Variants in RPS6KA2 observed in about 807,000 individuals in gnomAD.
The protein encoded by RPS6KA2 is ribosomal protein S6 kinase alpha-2.
In RPS6KA2, 42 loss-of-function variants were observed where a neutral mutation model predicts 91.8. That is an observed-to-expected ratio of 0.46 (90% CI 0.36 to 0.59). The LOEUF (loss-of-function observed/expected upper bound fraction) is 0.59, where lower values mean the gene tolerates loss of function less well. RPS6KA2 is among the 20% of genes least tolerant of loss of function. The probability of loss-of-function intolerance (pLI) is 0.00; values close to 1 mark genes in which losing one functional copy is unlikely to be tolerated. For missense variants in RPS6KA2, 798 were observed against 978.5 expected, an observed-to-expected ratio of 0.82 and a Z score of 2.46; for synonymous variants, 414 against 393.6, an observed-to-expected ratio of 1.05 and a Z score of -0.61.
chr6:166,423,144 G>C lies in RPS6KA2; in HGVS notation c.1743+112C>G. The C allele has an allele frequency of 1.3e-5, 15 of 1,120,320 alleles. No individual in the cohort carries two copies. The South Asian group carries it at 2.4e-4, about 18-fold the overall frequency. The allele number at this position is 1,120,320 out of a possible 1,614,324, so 69.4% of individuals were successfully genotyped here. A position where few individuals can be genotyped will look rare whatever the true frequency, so the allele number is the denominator to read the frequency against. ...TCTGTTTCCCAACACCACTGCTGAC[G>C]CAGCTCAAGCCGCCTCTGACATCCC... On this transcript the variant is annotated intron_variant, in intron 17 of 20. Coordinates refer to ENST00000265678, the MANE Select transcript of RPS6KA2 (RefSeq NM_021135.6). This position sits in a 1 kb window ranked among gnomAD's most constrained non-coding sequence, Gnocchi z 4.8.
At chr6:166,430,674 C>G in intron 15 of RPS6KA2, 63 bp from the exon 16 acceptor site, 1 of 1,527,192 alleles carries the variant, frequency 6.5e-7, no homozygotes, top group Non-Finnish European at 8.9e-7. Context: ...AGCAACTACT[C>G]CAGAGGGGAC....
At chr6:166,697,534 A>G (rs1789392341) in intron 2 of RPS6KA2, among the ~76,000 whole-genome samples, 1 of 152,192 alleles carries the variant, frequency 6.6e-6, no homozygotes, top group Admixed American at 6.5e-5. Context: ...AAGGCTGAAT[A>G]TCCAATTTGA....
At chr6:166,748,643 C>A in intron 2 of RPS6KA2, among the ~76,000 whole-genome samples, 1 of 78,962 alleles carries the variant, frequency 1.3e-5, no homozygotes, top group Non-Finnish European at 2.4e-5. Context: ...CCCCCATCCC[C>A]TTGGGCCCCC....
At chr6:166,573,931 G>A (rs560634463) in intron 1 of RPS6KA2, among the ~76,000 whole-genome samples, 8 of 152,104 alleles carry the variant, frequency 5.3e-5, no homozygotes, top group Non-Finnish European at 1.2e-4. Context: ...ATTTCAAAGG[G>A]AACGCCGACC....
chr6:166,455,622 A>G (rs1412609050), intron 12 of RPS6KA2, among the ~76,000 whole-genome samples: 6 of 152,218 alleles, frequency 3.9e-5, no homozygotes, highest in Non-Finnish European at 2.9e-5. Flanking sequence ...AGGTACCCTG[A>G]GTGGTTTTTA....
chr6:166,629,995 A>G (rs939526089), upstream of RPS6KA2, among the ~76,000 whole-genome samples: 1 of 152,200 alleles, frequency 6.6e-6, no homozygotes, highest in Non-Finnish European at 1.5e-5. Context: ...GTTTTTATGT[A>G]AAGTGAAAGA....
intron 2 of RPS6KA2, among the ~76,000 whole-genome samples, chr6:166,668,183 G>A (rs1203428080): frequency 6.6e-6 from 1 of 152,186 alleles, no homozygotes; most frequent in Non-Finnish European, 1.5e-5. Context: ...GTTTCCCTGA[G>A]CATTTGGAGA....
intron 2 of RPS6KA2, among the ~76,000 whole-genome samples, chr6:166,802,944 GTATA>G (rs201882418): frequency 6.0e-5 from 8 of 133,762 alleles, no homozygotes; most frequent in Admixed American, 3.0e-4. Context: ...GTGTGTGTGT[GTATA>G]TATATATATA....
chr6:166,498,816 C>T (rs375861662), intron 7 of RPS6KA2, among the ~76,000 whole-genome samples, 166 bp from the exon 8 acceptor site: 5 of 152,318 alleles, frequency 3.3e-5, no homozygotes, highest in South Asian at 2.1e-4. Context: ...TCCCGAAGCC[C>T]GTCAGTGCCC....
chr6:166,458,676 A>G (rs1780178817), intron 12 of RPS6KA2, among the ~76,000 whole-genome samples: 1 of 152,220 alleles, frequency 6.6e-6, no homozygotes, highest in Non-Finnish European at 1.5e-5. Context: ...GTGGGGACAC[A>G]GCAAGAACAC....
intron 2 of RPS6KA2, among the ~76,000 whole-genome samples, chr6:166,745,154 T>C (rs1158317074): frequency 1.4e-5 from 2 of 147,654 alleles, no homozygotes; most frequent in South Asian, 2.2e-4. Context: ...CGGCCTTTTT[T>C]TTTTTTTTTT....
At chr6:166,637,476 A>C (rs1787283304) in intron 2 of RPS6KA2, among the ~76,000 whole-genome samples, 1 of 152,202 alleles carries the variant, frequency 6.6e-6, no homozygotes, top group Non-Finnish European at 1.5e-5. Context: ...AGCAGGTGCC[A>C]GGTCGGGGGA....
chr6:166,862,346 C>T (rs1003545855), exon 1 of RPS6KA2: 18 of 1,450,460 alleles, frequency 1.2e-5, no homozygotes, highest in South Asian at 2.7e-5. Context: ...GTCGTGAGCG[C>T]GGGGCCTGCG....
chr6:166,653,598 C>CCCTGCT (rs1258171195), intron 2 of RPS6KA2, among the ~76,000 whole-genome samples: 1 of 152,210 alleles, frequency 6.6e-6, no homozygotes, highest in Non-Finnish European at 1.5e-5. Flanking sequence ...GCTGTCCAGG[C>CCCTGCT]CCTGCACATA....
At position 166,692,039 on chromosome 6, in the gene RPS6KA2, C is replaced by T. The variant is rs9459716; in HGVS notation, c.124-153255G>A. On this transcript the variant is annotated intron_variant, in intron 2 of 21. Transcript: ENST00000503859. ...CTCTGGAGTTAGTTACAGGTCAGGG[C>T]GTCCTGTGTTGGGGGAAAGAACTGC... Among the ~76,000 whole-genome samples, 955 of 152,198 alleles carry T rather than the reference C, an allele frequency of 6.3e-3. 8 individuals are homozygous for T. The highest frequency in any genetic ancestry group is 0.022 in the African/African-American group (905 of 41,506).
intron 5 of RPS6KA2, among the ~76,000 whole-genome samples, chr6:166,507,888 C>T (rs561564056): frequency 6.7e-6 from 1 of 149,022 alleles, no homozygotes; most frequent in Non-Finnish European, 1.5e-5. Context: ...GCACACCCCC[C>T]CACACACGCA....
intron 1 of RPS6KA2, among the ~76,000 whole-genome samples, chr6:166,620,055 T>C (rs763892596): frequency 2.0e-5 from 3 of 152,320 alleles, no homozygotes; most frequent in Non-Finnish European, 2.9e-5. Flanking sequence ...GTGCAAAGAA[T>C]GTTACCGTGC....
chr6:166,535,780 G>A (rs1210244917), intron 2 of RPS6KA2, among the ~76,000 whole-genome samples: 1 of 152,198 alleles, frequency 6.6e-6, no homozygotes, highest in Non-Finnish European at 1.5e-5. Context: ...TGAGGATAAG[G>A]CTGTTTTCTG....
intron 2 of RPS6KA2, among the ~76,000 whole-genome samples, chr6:166,717,309 A>G (rs1456311274): frequency 1.3e-5 from 2 of 152,212 alleles, no homozygotes. Context: ...TCCCCGCAAC[A>G]GAGAGCTGCA....
Sources: allele counts gnomAD v4.1 joint callset (sites outside exome capture counted in the v4.1 genomes callset), GRCh38; gene constraint gnomAD v4.1.1; non-coding constraint Gnocchi (gnomAD v3.1); transcripts MANE v1.5; gene names NCBI Gene and HGNC (gene_info 2026-07-23, HGNC 2026-07-21).